RAD51B: variants seen among roughly 807,000 people sequenced by gnomAD.
RAD51B encodes RAD51 paralog B.
Under a neutral mutation model 42.2 loss-of-function variants are expected in RAD51B, and 38 were observed. That is an observed-to-expected ratio of 0.90 (90% CI 0.70 to 1.18). The LOEUF is 1.18. Ranked by LOEUF, RAD51B falls within the 50% of genes most tolerant of loss-of-function variation. RAD51B has a pLI of 0.00. For synonymous variants in RAD51B, 154 were observed against 145.2 expected (o/e 1.06, Z -0.43); for missense variants, 373 against 400.7 (o/e 0.93, Z 0.59).
intron 10 of RAD51B, among the ~76,000 whole-genome samples, chr14:68,588,590 A>G (rs1890597356): frequency 6.6e-6 from 1 of 152,186 alleles, no homozygotes; most frequent in Non-Finnish European, 1.5e-5. Context: ...TGGCAGGGTC[A>G]GTTCTGGGGA....
In RAD51B at chr14:68,540,966, C is replaced by A; in HGVS notation, c.1037-53519C>A. 3.0e-6 allele frequency: 3 copies of A among 985,436 alleles called. No homozygotes were observed. The South Asian group carries it at 1.4e-4, about 46-fold the overall frequency. The allele number at this position is 985,436 out of a possible 1,614,324, so 61.0% of individuals were successfully genotyped here. On this transcript the variant is annotated intron_variant, in intron 10 of 10. Transcript: ENST00000487270. ...TTCTTCACCCACAACTATAATACAT[C>A]TTTGACCATAAAAAGTGGTTGTTAT...
At chr14:67,869,404 T>C (rs1373932023) in intron 5 of RAD51B, among the ~76,000 whole-genome samples, 3 of 151,952 alleles carry the variant, frequency 2.0e-5, no homozygotes, top group Admixed American at 1.3e-4. Flanking sequence ...TAAAAAGAAA[T>C]GAGCAAAGCC....
intron 8 of RAD51B, among the ~76,000 whole-genome samples, chr14:68,324,315 C>CAT (rs2082209976): frequency 2.0e-5 from 3 of 152,196 alleles, no homozygotes; most frequent in Non-Finnish European, 4.4e-5. Context: ...GATGAGCCAT[C>CAT]CAGGCCTCAT....
At chr14:68,137,233 G>A (rs561768262) in intron 7 of RAD51B, among the ~76,000 whole-genome samples, 79 of 152,226 alleles carry the variant, frequency 5.2e-4, no homozygotes, top group African/African-American at 1.3e-3. Context: ...CCGAGACCAC[G>A]CCACTGCACT....
chr14:68,427,439 G>A (rs147442935), intron 9 of RAD51B, among the ~76,000 whole-genome samples: 8 of 152,324 alleles, frequency 5.3e-5, no homozygotes, highest in Non-Finnish European at 8.8e-5. Context: ...TACAACCCCT[G>A]CCTTAGTGTG....
intron 7 of RAD51B, among the ~76,000 whole-genome samples, chr14:68,127,421 T>G (rs1036689102): frequency 2.0e-5 from 3 of 152,228 alleles, no homozygotes; most frequent in African/African-American, 7.2e-5. Flanking sequence ...AAGTCCTCCA[T>G]CTGTATTAAC....
chr14:67,985,511 A>G (rs992837688), intron 7 of RAD51B, among the ~76,000 whole-genome samples: 12 of 152,062 alleles, frequency 7.9e-5, no homozygotes, highest in African/African-American at 2.9e-4. Context: ...TCACTAATCT[A>G]AGGATTGAGG....
At chr14:68,170,316 G>A (rs969800385) in intron 7 of RAD51B, among the ~76,000 whole-genome samples, 3 of 152,004 alleles carry the variant, frequency 2.0e-5, no homozygotes, top group Non-Finnish European at 4.4e-5. Context: ...CTAGTACAGG[G>A]TCCATTTCAT....
At chr14:68,352,228 A>G (rs2082805080) in intron 8 of RAD51B, among the ~76,000 whole-genome samples, 3 of 152,234 alleles carry the variant, frequency 2.0e-5, no homozygotes. Flanking sequence ...TGGGTGAGGA[A>G]AGAGCACAGA....
At chr14:68,490,689 C>T (rs1228986148) in intron 10 of RAD51B, among the ~76,000 whole-genome samples, 1 of 152,172 alleles carries the variant, frequency 6.6e-6, no homozygotes, top group Non-Finnish European at 1.5e-5. Flanking sequence ...TGGGGCAAAT[C>T]ATCAAAGCTT....
In RAD51B at chr14:68,050,254, GTTTTCTC is replaced by G. The variant is rs1256983487; in HGVS notation, c.756+163057_756+163063del. ...TTTCCTTTCCCTTTCCCTTTCTTCT[GTTTTCTC>G]TTTTCTTTTTTCTTTTCTTTTCTTT... On this transcript the variant is annotated intron_variant, in intron 7 of 10. Transcript: ENST00000471583. 2.0e-5 allele frequency among the ~76,000 whole-genome samples: 3 copies of G among 149,730 alleles called. No homozygotes were observed. In the East Asian group the frequency reaches 5.8e-4, roughly 29 times the overall value.
intron 7 of RAD51B, among the ~76,000 whole-genome samples, chr14:68,200,249 G>A (rs1212591088): frequency 1.3e-5 from 2 of 152,150 alleles, no homozygotes; most frequent in Middle Eastern, 3.2e-3. Flanking sequence ...CGTCTGGCAT[G>A]GGGGAGCCCA....
At chr14:68,072,836 T>C (rs1283483701) in intron 7 of RAD51B, among the ~76,000 whole-genome samples, 1 of 152,246 alleles carries the variant, frequency 6.6e-6, no homozygotes, top group African/African-American at 2.4e-5. Flanking sequence ...TTTAATTGTA[T>C]GGTTCTGAGA....
intron 7 of RAD51B, among the ~76,000 whole-genome samples, chr14:68,064,369 T>G (rs893453558): frequency 1.3e-5 from 2 of 152,174 alleles, no homozygotes; most frequent in African/African-American, 4.8e-5. Flanking sequence ...TCCTATGCTG[T>G]TTTACAATTC....
At chr14:68,268,387 A>G (rs1360619493) in intron 7 of RAD51B, among the ~76,000 whole-genome samples, 1 of 152,218 alleles carries the variant, frequency 6.6e-6, no homozygotes, top group Non-Finnish European at 1.5e-5. Context: ...TACATTTTGT[A>G]TCTTCCCCAC....
chr14:68,469,231 C>G (rs1566901945), intron 10 of RAD51B: 1 of 321,562 alleles, frequency 3.1e-6, no homozygotes, highest in East Asian at 7.5e-5. Flanking sequence ...GTTTATGAAA[C>G]AGGGCAGTCC....
intron 10 of RAD51B, among the ~76,000 whole-genome samples, chr14:68,587,099 A>G (rs1232579205): frequency 6.6e-6 from 1 of 152,024 alleles, no homozygotes; most frequent in Non-Finnish European, 1.5e-5. Context: ...TCTCTGCTAT[A>G]TGTCAGTGTT....
intron 7 of RAD51B, among the ~76,000 whole-genome samples, chr14:68,146,051 G>A (rs200501418): frequency 8.7e-5 from 4 of 45,790 alleles, no homozygotes; most frequent in East Asian, 4.3e-3. Flanking sequence ...GCCCAGGACT[G>A]TTGTTAAAAG....
intron 7 of RAD51B, among the ~76,000 whole-genome samples, chr14:68,029,601 G>A (rs113482235): frequency 1.3e-5 from 2 of 152,046 alleles, no homozygotes; most frequent in African/African-American, 2.4e-5. Context: ...TGTTTTTCCC[G>A]CATCTGCAGT....
Sources: allele counts gnomAD v4.1 joint callset (sites outside exome capture counted in the v4.1 genomes callset), GRCh38; gene constraint gnomAD v4.1.1; transcripts MANE v1.5; gene names NCBI Gene and HGNC (gene_info 2026-07-23, HGNC 2026-07-21).